The following RBFOX1 variants were observed in gnomAD, a reference collection of about 807,000 sequenced individuals.
RBFOX1 encodes the protein RNA binding fox-1 homolog 1.
In RBFOX1, 8 loss-of-function variants were observed where a neutral mutation model predicts 57.7. The ratio of observed to expected loss-of-function variants is 0.14; its 90% CI spans 0.08 to 0.25. The LOEUF (loss-of-function observed/expected upper bound fraction) is 0.25. RBFOX1 is among the 10% of genes least tolerant of loss of function. RBFOX1 has a pLI of 1.00. For missense variants in RBFOX1, 611 were observed against 548.5 expected, an observed-to-expected ratio of 1.11 and a Z score of -1.14; for synonymous variants, 326 against 222.4, an observed-to-expected ratio of 1.47 and a Z score of -4.15.
intron 4 of RBFOX1, among the ~76,000 whole-genome samples, chr16:5,975,206 C>T (rs995662879): frequency 4.6e-5 from 7 of 152,088 alleles, no homozygotes; most frequent in Admixed American, 3.9e-4. Context: ...TTCTCGATGC[C>T]GGCTTGGGAT....
chr16:6,210,066 A>G (rs1262380916), intron 1 of RBFOX1, among the ~76,000 whole-genome samples: 8 of 151,984 alleles, frequency 5.3e-5, no homozygotes, highest in Non-Finnish European at 1.2e-4. Flanking sequence ...GCCTGTAGTC[A>G]CAGCACTTTG....
At chr16:6,049,421 T>C (rs1302356244) in intron 1 of RBFOX1, among the ~76,000 whole-genome samples, 2 of 152,196 alleles carry the variant, frequency 1.3e-5, no homozygotes, top group African/African-American at 4.8e-5. Flanking sequence ...CCAGATTAAA[T>C]AATTATCAAG....
At chr16:6,866,610 C>G (rs1349400069) in intron 3 of RBFOX1, among the ~76,000 whole-genome samples, 1 of 122,212 alleles carries the variant, frequency 8.2e-6, no homozygotes, top group Non-Finnish European at 1.6e-5. Flanking sequence ...GGTGCGATCT[C>G]GGCTCACTGC....
chr16:6,222,048 T>C (rs5008173), intron 1 of RBFOX1, among the ~76,000 whole-genome samples: 146,692 of 152,204 alleles, frequency 0.96, 70,909 homozygotes, highest in South Asian at 1. Flanking sequence ...CAAGACACCA[T>C]ATTTAAGAAG....
chr16:5,907,000 G>T (rs1048830228), intron 4 of RBFOX1, among the ~76,000 whole-genome samples: 2 of 152,020 alleles, frequency 1.3e-5, no homozygotes, highest in Non-Finnish European at 2.9e-5. Context: ...GCCTCCCAAA[G>T]TGCTGGGATT....
chr16:7,248,781 A>G (rs771810381), intron 4 of RBFOX1, among the ~76,000 whole-genome samples: 4 of 152,218 alleles, frequency 2.6e-5, no homozygotes, highest in Admixed American at 6.5e-5. Context: ...CTAGGCAGAG[A>G]TATATCAGGG....
At chr16:5,923,541 TTTTTTTTTTC>T (rs1224005980) in intron 4 of RBFOX1, among the ~76,000 whole-genome samples, 4 of 141,744 alleles carry the variant, frequency 2.8e-5, no homozygotes, top group African/African-American at 1.0e-4. Context: ...TTTTTTTTTT[TTTTTTTTTTC>T]TTTTTTTTGA....
intron 2 of RBFOX1, among the ~76,000 whole-genome samples, chr16:5,501,777 G>A (rs545072573): frequency 2.0e-5 from 3 of 152,102 alleles, no homozygotes; most frequent in East Asian, 1.9e-4. Context: ...GTAGTGGTGC[G>A]GTCACAGCTC....
intron 2 of RBFOX1, among the ~76,000 whole-genome samples, chr16:6,550,893 A>G (rs1369589057): frequency 1.3e-5 from 2 of 152,204 alleles, no homozygotes; most frequent in Non-Finnish European, 2.9e-5. Context: ...AGACAAGTCT[A>G]AAGGAGGGTG....
At chr16:6,436,635 T>C (rs1304918734) in intron 2 of RBFOX1, among the ~76,000 whole-genome samples, 2 of 151,852 alleles carry the variant, frequency 1.3e-5, no homozygotes, top group African/African-American at 2.4e-5. Flanking sequence ...ACACTTACTG[T>C]CTTTATAATT....
At chr16:7,424,344 C>G (rs191260327) in intron 4 of RBFOX1, among the ~76,000 whole-genome samples, 30 of 152,272 alleles carry the variant, frequency 2.0e-4, no homozygotes, top group East Asian at 1.5e-3. Context: ...ACTGCAACCT[C>G]TGCATCCCAG....
intron 4 of RBFOX1, among the ~76,000 whole-genome samples, chr16:5,936,354 C>A (rs541656939): frequency 6.6e-6 from 1 of 152,278 alleles, no homozygotes; most frequent in South Asian, 2.1e-4. Flanking sequence ...AAATGCCTGA[C>A]CTCAAGTGAT....
At chr16:5,605,670 G>T (rs994044204) in intron 3 of RBFOX1, among the ~76,000 whole-genome samples, 1 of 151,888 alleles carries the variant, frequency 6.6e-6, no homozygotes, top group African/African-American at 2.4e-5. Flanking sequence ...GAGTCTAGGA[G>T]GGGAGAGTGT....
intron 3 of RBFOX1, among the ~76,000 whole-genome samples, chr16:5,864,768 T>G (rs2057306591): frequency 6.6e-6 from 1 of 152,188 alleles, no homozygotes; most frequent in Non-Finnish European, 1.5e-5. Flanking sequence ...GTTTTTTGTT[T>G]GGCTAGAACC....
At chr16:5,653,482 C>T (rs899274435) in intron 3 of RBFOX1, among the ~76,000 whole-genome samples, 4 of 36,688 alleles carry the variant, frequency 1.1e-4, no homozygotes, top group Non-Finnish European at 1.9e-4. Context: ...GGTGCTGAGC[C>T]GTGTGCTGCG....
At chr16:6,367,474 A>T (rs1476481407) in intron 2 of RBFOX1, among the ~76,000 whole-genome samples, 1 of 151,934 alleles carries the variant, frequency 6.6e-6, no homozygotes, top group Non-Finnish European at 1.5e-5. Flanking sequence ...GTTTCACTAT[A>T]TTGGTCAGGC....
chr16:6,530,321 A>C (rs1024559585), intron 2 of RBFOX1, among the ~76,000 whole-genome samples: 4 of 152,134 alleles, frequency 2.6e-5, no homozygotes, highest in Non-Finnish European at 2.9e-5. Context: ...AGCATGAGTG[A>C]GTTTACTGTC....
chr16:7,028,494 G>A (rs2041643773), intron 3 of RBFOX1, among the ~76,000 whole-genome samples: 2 of 151,428 alleles, frequency 1.3e-5, no homozygotes, highest in Admixed American at 1.3e-4. Flanking sequence ...GGCTGAGGCA[G>A]GAGAATCGCT....
intron 2 of RBFOX1, among the ~76,000 whole-genome samples, chr16:6,402,317 T>C (rs2093105890): frequency 6.6e-6 from 1 of 152,124 alleles, no homozygotes. Flanking sequence ...AGTAGAGAAC[T>C]GAAATCTCAC....
Sources: gnomAD v4.1 joint callset for allele counts (sites outside exome capture counted in the v4.1 genomes callset) on GRCh38, gnomAD v4.1.1 for gene constraint, MANE v1.5 for transcripts, NCBI Gene and HGNC (gene_info 2026-07-23, HGNC 2026-07-21) for gene names.